STXBP6: variants seen among roughly 807,000 people sequenced by gnomAD.
STXBP6 encodes syntaxin binding protein 6, also known as syntaxin-binding protein 6.
Under a neutral mutation model 26.9 loss-of-function variants are expected in STXBP6, and 21 were observed. That is an observed-to-expected ratio of 0.78 (90% CI 0.55 to 1.12). The LOEUF (loss-of-function observed/expected upper bound fraction) is 1.12. Ranked by LOEUF, STXBP6 falls within the 50% of genes most tolerant of loss-of-function variation. STXBP6 has a pLI of 0.00. For missense variants in STXBP6, 232 were observed against 257.9 expected, an observed-to-expected ratio of 0.90 and a Z score of 0.69; for synonymous variants, 97 against 92.6, an observed-to-expected ratio of 1.05 and a Z score of -0.27.
intron 1 of STXBP6, among the ~76,000 whole-genome samples, chr14:25,038,694 A>G (rs1407532917): frequency 2.0e-5 from 3 of 152,184 alleles, no homozygotes; most frequent in African/African-American, 7.2e-5. Flanking sequence ...GAAGAGCAGA[A>G]AAAATAACTA....
At chr14:24,899,889 T>C (rs2071151563) in intron 2 of STXBP6, among the ~76,000 whole-genome samples, 1 of 151,794 alleles carries the variant, frequency 6.6e-6, no homozygotes, top group African/African-American at 2.4e-5. Flanking sequence ...AATGGTGCTC[T>C]TAGACACTAT....
chr14:24,986,842 T>A (rs935161130), intron 1 of STXBP6, among the ~76,000 whole-genome samples: 3 of 152,146 alleles, frequency 2.0e-5, no homozygotes, highest in African/African-American at 7.2e-5. Flanking sequence ...AATGGTGAAA[T>A]CTCCATGTGA....
At chr14:24,991,892 C>T (rs1010520467) in intron 1 of STXBP6, among the ~76,000 whole-genome samples, 1 of 152,184 alleles carries the variant, frequency 6.6e-6, no homozygotes, top group Admixed American at 6.5e-5. Context: ...CATCCACTCC[C>T]AGCTTGCATG....
intron 4 of STXBP6, among the ~76,000 whole-genome samples, chr14:24,849,184 T>A (rs1383620399): frequency 2.0e-5 from 3 of 152,074 alleles, no homozygotes. Context: ...AGTCTTAGTT[T>A]TTTTCTCTCT....
chr14:25,026,750 T>C (rs1043138951), intron 1 of STXBP6, among the ~76,000 whole-genome samples: 1 of 152,154 alleles, frequency 6.6e-6, no homozygotes, highest in African/African-American at 2.4e-5. Context: ...AAATTAAAAG[T>C]GGACACACAC....
At chr14:25,037,404 CAT>C (rs1595358994) in intron 1 of STXBP6, among the ~76,000 whole-genome samples, 1 of 152,102 alleles carries the variant, frequency 6.6e-6, no homozygotes, top group African/African-American at 2.4e-5. Context: ...ACTTTTAAAT[CAT>C]GTTCTCTTTT....
At chr14:24,868,812 G>C (rs12879323) in intron 2 of STXBP6, among the ~76,000 whole-genome samples, 24,668 of 152,112 alleles carry the variant, frequency 0.16, 2,361 homozygotes, top group Non-Finnish European at 0.23. Context: ...AGAGAGAAAA[G>C]GGATAGTCTA....
chr14:24,936,634 T>C (rs961803373), intron 2 of STXBP6, among the ~76,000 whole-genome samples: 1 of 152,178 alleles, frequency 6.6e-6, no homozygotes, highest in Non-Finnish European at 1.5e-5. Flanking sequence ...CCATGAGGAA[T>C]TGCCACACCG....
intron 2 of STXBP6, among the ~76,000 whole-genome samples, chr14:24,876,892 T>C (rs998724970): frequency 6.6e-5 from 10 of 152,236 alleles, no homozygotes; most frequent in Non-Finnish European, 1.5e-4. Context: ...CACAGTTAAG[T>C]AGTGTTTTGA....
At chr14:24,926,048 A>G (rs2072152849) in intron 2 of STXBP6, among the ~76,000 whole-genome samples, 1 of 152,208 alleles carries the variant, frequency 6.6e-6, no homozygotes, top group South Asian at 2.1e-4. Flanking sequence ...ATCTTTATGC[A>G]GTGAGGATTC....
intron 1 of STXBP6, among the ~76,000 whole-genome samples, chr14:25,023,170 T>TTATTAACTA (rs1166707896): frequency 4.6e-5 from 7 of 152,212 alleles, no homozygotes; most frequent in Non-Finnish European, 1.0e-4. Context: ...ACGTCTTTAA[T>TTATTAACTA]TATTAACTAT....
chr14:25,037,178 G>A (rs569091636), intron 1 of STXBP6, among the ~76,000 whole-genome samples: 33 of 152,162 alleles, frequency 2.2e-4, no homozygotes, highest in Non-Finnish European at 3.7e-4. Flanking sequence ...GTGTCCTGAA[G>A]CCTGACACAG....
chr14:24,833,753 T>C (rs2068528868), intron 4 of STXBP6, among the ~76,000 whole-genome samples: 2 of 152,228 alleles, frequency 1.3e-5, no homozygotes, highest in Admixed American at 1.3e-4. Flanking sequence ...TATAATTATG[T>C]ACAAAATATA....
chr14:24,968,027 A>G (rs1031349336), intron 2 of STXBP6, among the ~76,000 whole-genome samples: 4 of 152,136 alleles, frequency 2.6e-5, no homozygotes, highest in African/African-American at 4.8e-5. Context: ...TGAAATGAGG[A>G]ACATACCACC....
In STXBP6 at chr14:24,990,008, G is replaced by C. The variant is rs554249663; in HGVS notation, c.-32-15158C>G. Among the ~76,000 whole-genome samples the C allele has an allele frequency of 4.4e-4, 67 of 152,326 alleles. No homozygotes were observed. The Middle Eastern group carries it at 0.014, about 31-fold the overall frequency. On this transcript the variant is annotated intron_variant, in intron 1 of 5. Transcript: ENST00000323944. Reference sequence around the variant, plus strand: ...TCATTGAGAATTGTGGCTTCAGATGGAGACAATGGTTTTTAAATGGTCCCA... The same window carrying C: ...TCATTGAGAATTGTGGCTTCAGATGCAGACAATGGTTTTTAAATGGTCCCA...
chr14:24,918,381 AT>A (rs2071845819), intron 2 of STXBP6, among the ~76,000 whole-genome samples: 1 of 151,382 alleles, frequency 6.6e-6, no homozygotes, highest in Non-Finnish European at 1.5e-5. Context: ...ACCTAAAATC[AT>A]TGTTAAAGGA....
chr14:24,950,338 C>T (rs189485990), intron 2 of STXBP6, among the ~76,000 whole-genome samples: 1 of 151,914 alleles, frequency 6.6e-6, no homozygotes, highest in African/African-American at 2.4e-5. Context: ...TGGTATATAC[C>T]CAACAGAAAT....
intron 4 of STXBP6, chr14:24,819,574 G>C (rs1037158865): frequency 3.3e-5 from 16 of 479,536 alleles, no homozygotes; most frequent in African/African-American, 2.7e-4. Flanking sequence ...CAAGTTCAAT[G>C]AGACATATCT....
At chr14:24,921,937 T>G (rs993765261) in intron 2 of STXBP6, among the ~76,000 whole-genome samples, 10 of 152,038 alleles carry the variant, frequency 6.6e-5, no homozygotes, top group African/African-American at 2.2e-4. Flanking sequence ...CTTTCACCAC[T>G]GCCCTTGGTA....
Sources: gnomAD v4.1 joint callset for allele counts (sites outside exome capture counted in the v4.1 genomes callset) on GRCh38, gnomAD v4.1.1 for gene constraint, MANE v1.5 for transcripts, NCBI Gene and HGNC (gene_info 2026-07-23, HGNC 2026-07-21) for gene names.